LAMTOR3: variants seen among roughly 807,000 people sequenced by gnomAD.
The protein encoded by LAMTOR3 is late endosomal/lysosomal adaptor, MAPK and MTOR activator 3, also known as ragulator complex protein LAMTOR3.
Under a neutral mutation model 20.3 loss-of-function variants are expected in LAMTOR3, and 14 were observed. The observed-to-expected ratio is 0.69, with a 90% CI of 0.46 to 1.08. LAMTOR3 has a LOEUF of 1.08. LAMTOR3 is among the 50% of genes least tolerant of loss of function. LAMTOR3 has a pLI of 0.00. For missense variants in LAMTOR3, 125 were observed against 143.7 expected (o/e 0.87, Z 0.67); for synonymous variants, 40 against 49.4 (o/e 0.81, Z 0.80).
chr4:99,887,292 T>C lies in LAMTOR3; in HGVS notation c.103+4A>G, dbSNP rs766875549. The C allele has an allele frequency of 7.1e-6, 11 of 1,554,612 alleles. No homozygotes were observed. In the South Asian group the frequency reaches 1.3e-4, roughly 19 times the overall value. On this transcript the variant is annotated splice_donor_region_variant and intron_variant, in intron 4 of 6. Coordinates refer to ENST00000499666, the MANE Select transcript of LAMTOR3 (RefSeq NM_021970.4). ...GACATTTGCATTTAAATGTTCAGTT[T>C]TACCTTTAATAACAGGTACTCCATC... is the stretch of plus-strand genomic sequence containing the variant.
chr4:99,888,305 C>G (rs998897309), intron 3 of LAMTOR3, among the ~76,000 whole-genome samples: 1 of 152,118 alleles, frequency 6.6e-6, no homozygotes, highest in African/African-American at 2.4e-5. Context: ...GCACATAATT[C>G]AAAAATATCA....
chr4:99,889,928 A>T (rs1724993119), intron 3 of LAMTOR3, among the ~76,000 whole-genome samples: 1 of 152,200 alleles, frequency 6.6e-6, no homozygotes, highest in Admixed American at 6.5e-5. Flanking sequence ...CAGAGAAATG[A>T]ATCAAGAAAG....
chr4:99,892,055 AT>A (rs1725032305), intron 2 of LAMTOR3, 21 bp from the exon 3 acceptor site: 1 of 1,560,252 alleles, frequency 6.4e-7, no homozygotes, highest in African/African-American at 1.4e-5. Context: ...GCATTAAAAA[AT>A]AATGTTGTAA....
At chr4:99,882,451 CA>C (rs947269102) in intron 6 of LAMTOR3, among the ~76,000 whole-genome samples, 4 of 151,952 alleles carry the variant, frequency 2.6e-5, no homozygotes, top group Non-Finnish European at 5.9e-5. Context: ...ATAAAGCAAC[CA>C]AAAACTTTGT....
intron 6 of LAMTOR3, 24 bp from the exon 7 acceptor site, chr4:99,882,091 T>G (rs750050276): frequency 6.9e-7 from 1 of 1,446,616 alleles, no homozygotes; most frequent in South Asian, 1.2e-5. Flanking sequence ...ATTAAGAAAA[T>G]TACATGTTAG....
chr4:99,885,413 G>A, intron 5 of LAMTOR3, 129 bp downstream of exon 5: 4 of 680,902 alleles, frequency 5.9e-6, no homozygotes, highest in Non-Finnish European at 6.9e-6. Context: ...CAATTTGAAG[G>A]CTAAAATTTT....
Position 99,881,933 on chromosome 4 carries a change from T to C in LAMTOR3, c.*61A>G. 8.7e-7 allele frequency: 1 copy of C among 1,145,808 alleles called. No homozygotes were observed. Among genetic ancestry groups the C allele is most frequent in the Non-Finnish European group, 1.3e-6 (1 of 765,660 alleles). The allele number at this position is 1,145,808 out of a possible 1,614,324, so 71.0% of individuals were successfully genotyped here. A position where few individuals can be genotyped will look rare whatever the true frequency, so the allele number is the denominator to read the frequency against. ...AAAAGTATTATTGTAGTCTAAAGAT[T>C]GCTGGATTGATATTGTGTTGTTATA... On this transcript the variant is annotated 3_prime_UTR_variant, in exon 7 of 7. Coordinates refer to ENST00000499666, the MANE Select transcript of LAMTOR3 (RefSeq NM_021970.4).
rs1265248386 is a variant in LAMTOR3 at position 99,879,928 on chromosome 4, C to T, written c.*2066G>A. ...TACACACCTAGGCTATATGGTATAG[C>T]CTACTACTACACACCTAGGCTATAT... On this transcript the variant is annotated 3_prime_UTR_variant, in exon 7 of 7. Coordinates refer to ENST00000499666, the MANE Select transcript of LAMTOR3 (RefSeq NM_021970.4). The T allele has an allele frequency of 1.9e-5, 1 of 52,296 alleles. No homozygotes were observed. The highest frequency in any genetic ancestry group is 3.5e-5 in the Non-Finnish European group (1 of 28,352). 3.2% of individuals were successfully genotyped at this position (52,296 alleles called of 1,614,324 possible). A position where few individuals can be genotyped will look rare whatever the true frequency, so the allele number is the denominator to read the frequency against.
chr4:99,885,322 T>C (rs139400028), intron 5 of LAMTOR3, among the ~76,000 whole-genome samples: 1 of 152,324 alleles, frequency 6.6e-6, no homozygotes, highest in South Asian at 2.1e-4. Context: ...ACATGTACTT[T>C]ATTAAATCAC....
At chr4:99,885,192 A>G (rs1260728882) in intron 5 of LAMTOR3, among the ~76,000 whole-genome samples, 2 of 152,318 alleles carry the variant, frequency 1.3e-5, no homozygotes, top group Non-Finnish European at 2.9e-5. Context: ...ACTTTCAAGG[A>G]AAGTTTTTTT....
chr4:99,885,499 T>C (rs953534666), intron 5 of LAMTOR3, 43 bp downstream of exon 5: 1 of 1,526,812 alleles, frequency 6.5e-7, no homozygotes, highest in Non-Finnish European at 8.8e-7. Flanking sequence ...GGCACAAAAA[T>C]GACAACTGAA....
intron 4 of LAMTOR3, among the ~76,000 whole-genome samples, chr4:99,886,145 A>G (rs1724922363): frequency 1.3e-5 from 2 of 152,250 alleles, no homozygotes; most frequent in South Asian, 4.1e-4. Flanking sequence ...GGAGTTTGTT[A>G]TATTAATGAG....
rs747370548 is a variant in LAMTOR3 at position 99,881,969 on chromosome 4, G to A, written c.*25C>T. 1.6e-5 allele frequency: 23 copies of A among 1,440,450 alleles called. No homozygotes were observed. The highest frequency in any genetic ancestry group is 2.2e-5 in the Non-Finnish European group (23 of 1,025,600). 89.2% of individuals were successfully genotyped at this position (1,440,450 alleles called of 1,614,324 possible). ...TATTGTGTTGTTATAATGAAGATAA[G>A]GTACACACTGAAACCACTGTCAGAT... On this transcript the variant is annotated 3_prime_UTR_variant, in exon 7 of 7. Coordinates refer to ENST00000499666, the MANE Select transcript of LAMTOR3 (RefSeq NM_021970.4).
rs1446295864 is a variant in LAMTOR3, at chr4:99,881,946, T to C, written c.*48A>G. ...TAGTCTAAAGATTGCTGGATTGATA[T>C]TGTGTTGTTATAATGAAGATAAGGT... On this transcript the variant is annotated 3_prime_UTR_variant, in exon 7 of 7. Coordinates refer to ENST00000499666, the MANE Select transcript of LAMTOR3 (RefSeq NM_021970.4). The C allele has an allele frequency of 1.5e-5, 19 of 1,226,726 alleles. 1 individual carries two copies. Among genetic ancestry groups the C allele is most frequent in the Middle Eastern group, 2.4e-4 (1 of 4,220 alleles). The allele number at this position is 1,226,726 out of a possible 1,614,324, so 76.0% of individuals were successfully genotyped here.
intron 5 of LAMTOR3, among the ~76,000 whole-genome samples, chr4:99,884,404 T>C (rs754557677): frequency 2.0e-5 from 3 of 152,194 alleles, no homozygotes; most frequent in Non-Finnish European, 4.4e-5. Flanking sequence ...CCCAACAGAA[T>C]ATCAATTACA....
At chr4:99,885,128 C>CAT (rs1287213742) in intron 5 of LAMTOR3, among the ~76,000 whole-genome samples, 1 of 152,176 alleles carries the variant, frequency 6.6e-6, no homozygotes, top group African/African-American at 2.4e-5. Context: ...TCATTTATTA[C>CAT]ATATATATAT....
chr4:99,891,967 A>G (rs1725030341), intron 3 of LAMTOR3, 33 bp downstream of exon 3: 2 of 1,562,378 alleles, frequency 1.3e-6, no homozygotes, highest in Admixed American at 2.1e-5. Flanking sequence ...TGGCATATAG[A>G]ATTTATTCAA....
At chr4:99,891,937 T>C in intron 3 of LAMTOR3, 63 bp downstream of exon 3, 1 of 1,529,260 alleles carries the variant, frequency 6.5e-7, no homozygotes, top group East Asian at 2.5e-5. Flanking sequence ...ACAGACAAAA[T>C]GCTTCATAAA....
rs1560716990 is a variant in LAMTOR3 at position 99,879,231 on chromosome 4, A to G, written c.*2763T>C. The G allele has an allele frequency of 6.6e-6, 1 of 152,092 alleles. No homozygotes were observed. Among genetic ancestry groups the G allele is most frequent in the Non-Finnish European group, 1.5e-5 (1 of 68,004 alleles). The allele number at this position is 152,092 out of a possible 1,614,324, so 9.4% of individuals were successfully genotyped here. A position where few individuals can be genotyped will look rare whatever the true frequency, so the allele number is the denominator to read the frequency against. On this transcript the variant is annotated 3_prime_UTR_variant, in exon 7 of 7. Transcript: ENST00000499666. ...GGGTGAGTACATACCATTGATATCT[A>G]GTTGTGCATTCAGTTCTGTACTACC...
Sources: gnomAD v4.1 joint callset for allele counts (sites outside exome capture counted in the v4.1 genomes callset) on GRCh38, gnomAD v4.1.1 for gene constraint, MANE v1.5 for transcripts, NCBI Gene and HGNC (gene_info 2026-07-23, HGNC 2026-07-21) for gene names.